Variants in TCF4 observed in about 807,000 individuals in gnomAD.
TCF4 encodes the protein SL3-3 enhancer factor 2.
Under a neutral mutation model 82.1 loss-of-function variants are expected in TCF4, and 3 were observed. The ratio of observed to expected loss-of-function variants is 0.04; its 90% confidence interval spans 0.02 to 0.09. The LOEUF (loss-of-function observed/expected upper bound fraction) is 0.09, where lower values mean the gene tolerates loss of function less well. Ranked by LOEUF, TCF4 falls within the 10% of genes least tolerant of loss-of-function variation. The pLI, the probability that TCF4 is intolerant of heterozygous loss-of-function variation, is 1.00. For synonymous variants in TCF4, 276 were observed against 309.6 expected (o/e 0.89, Z 1.14); for missense variants, 518 against 852.7 (o/e 0.61, Z 4.89).
intron 15 of TCF4, among the ~76,000 whole-genome samples, chr18:55,253,675 C>T (rs1845791258): frequency 6.6e-6 from 1 of 151,936 alleles, no homozygotes; most frequent in African/African-American, 2.4e-5. Context: ...TAAAGCTACT[C>T]TATTAAATTA....
intron 11 of TCF4, among the ~76,000 whole-genome samples, chr18:55,262,158 G>A (rs1001061215): frequency 3.9e-5 from 6 of 152,084 alleles, no homozygotes; most frequent in African/African-American, 7.2e-5. Flanking sequence ...ATATGGCCTC[G>A]AATTCCAGAG....
At chr18:55,518,815 C>T (rs1052188869) in intron 3 of TCF4, among the ~76,000 whole-genome samples, 9 of 152,094 alleles carry the variant, frequency 5.9e-5, no homozygotes, top group African/African-American at 9.7e-5. Flanking sequence ...AGAAGTGTGA[C>T]GGGGTCCTTG....
At chr18:55,561,356 T>C (rs1431701640) in intron 3 of TCF4, among the ~76,000 whole-genome samples, 1 of 152,210 alleles carries the variant, frequency 6.6e-6, no homozygotes, top group African/African-American at 2.4e-5. Context: ...AACTATTTTA[T>C]TTCTCATTTT....
intron 5 of TCF4, among the ~76,000 whole-genome samples, chr18:55,405,202 G>A (rs1459773641): frequency 6.6e-6 from 1 of 152,194 alleles, no homozygotes; most frequent in African/African-American, 2.4e-5. Context: ...ATTACTAACA[G>A]AAAAGGCTCG....
intron 5 of TCF4, among the ~76,000 whole-genome samples, chr18:55,455,654 C>T (rs987620680): frequency 6.6e-6 from 1 of 152,032 alleles, no homozygotes; most frequent in African/African-American, 2.4e-5. Flanking sequence ...CTAGAGCTGA[C>T]ATCTATATTC....
chr18:55,598,293 G>C lies in TCF4; in HGVS notation c.287-11157C>G, dbSNP rs573376509. On this transcript the variant is annotated intron_variant, in intron 2 of 20. Transcript: ENST00000398339. ...CTGGCAAAGATGAGAAGGCTAGAGA[G>C]TAAGGATCTTGTTAGGGTTTGTGAG... Among the ~76,000 whole-genome samples, 5 of 152,350 alleles carry C rather than the reference G, an allele frequency of 3.3e-5. No homozygotes were observed. The South Asian group carries it at 1.0e-3, about 32-fold the overall frequency.
At chr18:55,443,408 T>A (rs573440179) in intron 5 of TCF4, among the ~76,000 whole-genome samples, 2 of 152,202 alleles carry the variant, frequency 1.3e-5, no homozygotes, top group Non-Finnish European at 2.9e-5. Context: ...AATCTATCAT[T>A]AGTGTTAACC....
chr18:55,383,056 T>C (rs1432417264), intron 6 of TCF4, among the ~76,000 whole-genome samples: 1 of 152,242 alleles, frequency 6.6e-6, no homozygotes, highest in African/African-American at 2.4e-5. Context: ...TCATCTATTA[T>C]AATCTGTGAG....
At chr18:55,308,381 C>A (rs1162887621) in intron 8 of TCF4, among the ~76,000 whole-genome samples, 1 of 152,090 alleles carries the variant, frequency 6.6e-6, no homozygotes, top group Non-Finnish European at 1.5e-5. Flanking sequence ...AATATTGAAC[C>A]CAATTTAACT....
At chr18:55,391,279 C>T (rs1443110199) in intron 6 of TCF4, among the ~76,000 whole-genome samples, 3 of 152,190 alleles carry the variant, frequency 2.0e-5, no homozygotes, top group Non-Finnish European at 2.9e-5. Context: ...GACTTCAAAG[C>T]AGTGGCAGGG....
At chr18:55,342,567 A>C (rs1255274512) in intron 8 of TCF4, among the ~76,000 whole-genome samples, 9 of 152,202 alleles carry the variant, frequency 5.9e-5, no homozygotes, top group African/African-American at 1.9e-4. Context: ...CTAAATAATC[A>C]GGCCATAAAC....
intron 3 of TCF4, among the ~76,000 whole-genome samples, chr18:55,562,845 A>G (rs1469670705): frequency 6.6e-6 from 1 of 152,214 alleles, no homozygotes; most frequent in African/African-American, 2.4e-5. Context: ...TTTCTAAAAC[A>G]TATTTAACCA....
chr18:55,448,243 G>A (rs1233311564), intron 5 of TCF4, among the ~76,000 whole-genome samples: 1 of 152,108 alleles, frequency 6.6e-6, no homozygotes, highest in African/African-American at 2.4e-5. Flanking sequence ...ACGTGTAGTG[G>A]GAGCACTTTA....
At chr18:55,426,851 GACAC>G (rs951094497) in intron 5 of TCF4, among the ~76,000 whole-genome samples, 1 of 151,526 alleles carries the variant, frequency 6.6e-6, no homozygotes, top group Non-Finnish European at 1.5e-5. Flanking sequence ...CACAAACACA[GACAC>G]ACAAAGACAC....
intron 8 of TCF4, among the ~76,000 whole-genome samples, chr18:55,302,206 C>G (rs2068546179): frequency 6.6e-6 from 1 of 152,218 alleles, no homozygotes; most frequent in Non-Finnish European, 1.5e-5. Context: ...CAGTCAGCAC[C>G]AATCCAAAAG....
rs1055588578 is a variant in TCF4 at position 55,223,412 on chromosome 18, T to C, written c.*4623A>G. Reference sequence around the variant, plus strand: ...CTTACAGAAGAGAATCATAGCTATATGGACAATGCAAAATGAAATGAAACA... The same window carrying C: ...CTTACAGAAGAGAATCATAGCTATACGGACAATGCAAAATGAAATGAAACA... On this transcript the variant is annotated 3_prime_UTR_variant, in exon 20 of 20. Coordinates refer to ENST00000354452, the MANE Select transcript of TCF4 (RefSeq NM_001083962.2). 1.3e-5 allele frequency: 2 copies of C among 152,764 alleles called. No homozygotes were observed. The highest frequency in any genetic ancestry group is 2.9e-5 in the Non-Finnish European group (2 of 68,032). The allele number at this position is 152,764 out of a possible 1,614,324, so 9.5% of individuals were successfully genotyped here. A position where few individuals can be genotyped will look rare whatever the true frequency, so the allele number is the denominator to read the frequency against.
chr18:55,395,460 C>T (rs748039311), intron 6 of TCF4, among the ~76,000 whole-genome samples: 54 of 152,176 alleles, frequency 3.5e-4, no homozygotes, highest in Non-Finnish European at 7.2e-4. Flanking sequence ...TCCATTTCTT[C>T]GGTGTCTCAT....
At chr18:55,273,050 T>G (rs1254483731) in intron 10 of TCF4, among the ~76,000 whole-genome samples, 1 of 152,126 alleles carries the variant, frequency 6.6e-6, no homozygotes, top group African/African-American at 2.4e-5. Flanking sequence ...TAAAATCATC[T>G]ACAACAACCC....
chr18:55,349,314 C>G (rs894056574), intron 8 of TCF4, among the ~76,000 whole-genome samples: 51 of 152,060 alleles, frequency 3.4e-4, no homozygotes, highest in African/African-American at 1.2e-3. Context: ...GAAATCAAGT[C>G]AAATACACAG....
Sources: allele counts gnomAD v4.1 joint callset (sites outside exome capture counted in the v4.1 genomes callset), GRCh38; gene constraint gnomAD v4.1.1; transcripts MANE v1.5; gene names NCBI Gene and HGNC (gene_info 2026-07-23, HGNC 2026-07-21).